Variants in OFD1 observed in about 807,000 individuals in gnomAD.
OFD1 encodes OFD1 centriole and centriolar satellite protein, also known as centriole and centriolar satellite protein OFD1.
In OFD1, 12 loss-of-function variants were observed where a neutral mutation model predicts 81.4. The ratio of observed to expected loss-of-function variants is 0.15; its 90% CI spans 0.09 to 0.24. The LOEUF (loss-of-function observed/expected upper bound fraction) is 0.24. Ranked by LOEUF, OFD1 falls within the 10% of genes least tolerant of loss-of-function variation. The pLI is 1.00. For synonymous variants in OFD1, 256 were observed against 263.7 expected (o/e 0.97, Z 0.28); for missense variants, 685 against 733.9 (o/e 0.93, Z 0.77).
intron 5 of OFD1, 187 bp downstream of exon 5, chrX:13,739,219 G>T: frequency 2.6e-6 from 1 of 390,522 alleles, no homozygotes; most frequent in Non-Finnish European, 4.5e-6. Context: ...TAAAAAAACT[G>T]TAGACAGTAT....
intron 10 of OFD1, among the ~76,000 whole-genome samples, chrX:13,752,275 T>C (rs2047532221): frequency 1.8e-5 from 2 of 112,554 alleles, no homozygotes; most frequent in Non-Finnish European, 3.7e-5. Flanking sequence ...TACGACATTA[T>C]GCCCATGTGG....
chrX:13,721,645 GAC>G, the OFD1 span: 4 of 111,792 alleles, frequency 3.6e-5, no homozygotes, highest in Non-Finnish European at 7.5e-5. Context: ...GCTAATGAAT[GAC>G]ACATTTTATA....
chrX:13,734,885 A>C lies in OFD1; in HGVS notation c.-187A>C. 9.2e-7 allele frequency: 1 copy of C among 1,085,645 alleles called. No individual in the cohort carries two copies. Among genetic ancestry groups the C allele is most frequent in the Non-Finnish European group, 1.2e-6 (1 of 840,881 alleles). 89.5% of individuals were successfully genotyped at this position (1,085,645 alleles called of 1,213,427 possible). On this transcript the variant is annotated 5_prime_UTR_variant, in exon 1 of 23. Coordinates refer to ENST00000340096, the MANE Select transcript of OFD1 (RefSeq NM_003611.3). ...AAGAAAGGAAGCTCGCGTGTTTGCTAGAAAACCTAGTTGGGAGTGCGAGGC... is the reference window on the plus strand; with the variant it reads ...AAGAAAGGAAGCTCGCGTGTTTGCTCGAAAACCTAGTTGGGAGTGCGAGGC...
At chrX:13,738,936 A>G in intron 4 of OFD1, 22 bp downstream of exon 4, 1 of 1,177,487 alleles carries the variant, frequency 8.5e-7, no homozygotes, top group South Asian at 1.8e-5. Flanking sequence ...TAGTTTCTGT[A>G]ATCTACTTTG....
intron 10 of OFD1, among the ~76,000 whole-genome samples, chrX:13,752,409 C>T (rs2047538104): frequency 8.9e-6 from 1 of 112,223 alleles, no homozygotes; most frequent in Admixed American, 9.4e-5. Flanking sequence ...CTTATTTGGC[C>T]TCTTTTATTG....
At chrX:13,770,866 C>G (rs1480807088), downstream of OFD1, among the ~76,000 whole-genome samples, 1 of 112,027 alleles carries the variant, frequency 8.9e-6, no homozygotes, top group Non-Finnish European at 1.9e-5. Context: ...AATCTTGACT[C>G]TGCACATTAT....
At chrX:13,769,549 G>A (rs2048261395), downstream of OFD1, among the ~76,000 whole-genome samples, 2 of 111,226 alleles carry the variant, frequency 1.8e-5, no homozygotes, top group South Asian at 7.5e-4. Context: ...CTAGGCATTA[G>A]AAATAGTAAG....
chrX:13,745,526 A>G (rs144570241), intron 6 of OFD1, among the ~76,000 whole-genome samples: 200 of 112,088 alleles, frequency 1.8e-3, no homozygotes, highest in African/African-American at 5.8e-3. Context: ...GTGGCTGGAG[A>G]GTCCTGTGTT....
At chrX:13,771,224 G>C (rs1282712772), downstream of OFD1, 1 of 111,531 alleles carries the variant, frequency 9.0e-6, no homozygotes, top group East Asian at 2.8e-4. Context: ...ACCAGAATTA[G>C]AAAAGTAAAA....
intron 3 of OFD1, among the ~76,000 whole-genome samples, chrX:13,737,772 A>G (rs2046928807): frequency 1.8e-5 from 2 of 112,535 alleles, no homozygotes; most frequent in South Asian, 7.3e-4. Context: ...AGCTTAGTAC[A>G]GTATTTGAAT....
At chrX:13,735,388 A>AC in intron 2 of OFD1, 42 bp downstream of exon 2, 1 of 974,064 alleles carries the variant, frequency 1.0e-6, no homozygotes, top group Non-Finnish European at 1.5e-6. Flanking sequence ...TTACAAGTGT[A>AC]ACCTGTAACA....
intron 18 of OFD1, among the ~76,000 whole-genome samples, chrX:13,763,220 T>C (rs947830899): frequency 6.2e-5 from 7 of 112,918 alleles, no homozygotes; most frequent in Non-Finnish European, 1.3e-4. Context: ...TCTTACTTTG[T>C]AGCCACTTTG....
upstream of OFD1, chrX:13,734,485 CA>C: frequency 4.4e-6 from 1 of 226,337 alleles, no homozygotes. Flanking sequence ...TCCAGGGACT[CA>C]AAACACCCGC....
rs2048021696 is a variant in OFD1, at chrX:13,763,727, CA to C, written c.2489-16del. The C allele has an allele frequency of 8.5e-7, 1 of 1,170,324 alleles. No homozygotes were observed. The highest frequency in any genetic ancestry group is 1.8e-5 in the African/African-American group (1 of 57,016). ...GTGTTATTATTAAGGACTCATGGGA[CA>C]ATTGTGCCTCATGCAGCTGCAGGGA... is the stretch of plus-strand genomic sequence containing the variant. On this transcript the variant is annotated splice_polypyrimidine_tract_variant and intron_variant, in intron 18 of 22. Coordinates refer to ENST00000340096, the MANE Select transcript of OFD1 (RefSeq NM_003611.3).
At chrX:13,766,105 G>T (rs146943743) in intron 19 of OFD1, among the ~76,000 whole-genome samples, 1,203 of 112,200 alleles carry the variant, frequency 0.011, 21 homozygotes, top group African/African-American at 0.037. Flanking sequence ...TACAAAGTTG[G>T]TGGTGATGTA....
At chrX:13,715,884 G>C in the OFD1 span, 7 of 1,038,267 alleles carry the variant, frequency 6.7e-6, no homozygotes, top group Non-Finnish European at 8.7e-6. Context: ...TAGTTCTGAT[G>C]GGGGAAAGCT....
chrX:13,749,388 A>G, intron 8 of OFD1, 39 bp from the exon 9 acceptor site: 1 of 887,302 alleles, frequency 1.1e-6, no homozygotes, highest in Non-Finnish European at 1.7e-6. Flanking sequence ...TTTTGCTTTC[A>G]TTAGCTTGCT....
intron 7 of OFD1, 76 bp from the exon 8 acceptor site, chrX:13,746,704 G>T: frequency 1.2e-6 from 1 of 800,600 alleles, no homozygotes; most frequent in Non-Finnish European, 1.8e-6. Flanking sequence ...GTTAAACCTA[G>T]ATGTAGAGAG....
intron 2 of OFD1, 121 bp from the exon 3 acceptor site, chrX:13,736,357 G>A (rs1190123250): frequency 5.5e-6 from 6 of 1,083,783 alleles, no homozygotes; most frequent in Non-Finnish European, 7.5e-6. Flanking sequence ...GAACCATTAT[G>A]GAAATAGAAG....
Sources: gnomAD v4.1 joint callset for allele counts (sites outside exome capture counted in the v4.1 genomes callset) on GRCh38, gnomAD v4.1.1 for gene constraint, MANE v1.5 for transcripts, NCBI Gene and HGNC (gene_info 2026-07-23, HGNC 2026-07-21) for gene names.